Variants in CPAP observed in about 807,000 individuals in gnomAD.
The protein encoded by CPAP is centrosomal P4.1-associated protein.
the CPAP span, among the ~76,000 whole-genome samples, chr13:24,898,015 C>G: frequency 9.9e-5 from 15 of 152,176 alleles, no homozygotes; most frequent in Non-Finnish European, 1.8e-4. Context: ...CCTGCCTCAG[C>G]CTCCCATGTA....
chr13:24,906,507 C>G, the CPAP span: 1 of 1,614,192 alleles, frequency 6.2e-7, no homozygotes, highest in South Asian at 1.1e-5. Context: ...CAGCCAGTAT[C>G]GCAAGGTTTT....
At chr13:24,912,789 C>T in the CPAP span, 1 of 1,614,192 alleles carries the variant, frequency 6.2e-7, no homozygotes, top group Non-Finnish European at 8.5e-7. Flanking sequence ...TTGACTCCAA[C>T]TTCTGTTCTT....
the CPAP span, chr13:24,913,213 A>T: frequency 1.7e-6 from 1 of 581,934 alleles, no homozygotes; most frequent in Non-Finnish European, 3.0e-6. Context: ...AAAAGACCTT[A>T]ACTAGCAAAG....
At chr13:24,909,850 A>G in the CPAP span, 1 of 1,613,926 alleles carries the variant, frequency 6.2e-7, no homozygotes, top group East Asian at 2.2e-5. Context: ...GCTTCTTGAT[A>G]CTGTGCCTCA....
the CPAP span, chr13:24,908,153 G>A: frequency 6.6e-7 from 1 of 1,508,982 alleles, no homozygotes; most frequent in Non-Finnish European, 9.2e-7. Flanking sequence ...GAACAATTTA[G>A]CTCAAGAAAA....
chr13:24,888,808 G>A, the CPAP span, among the ~76,000 whole-genome samples: 2 of 152,168 alleles, frequency 1.3e-5, no homozygotes, highest in African/African-American at 4.8e-5. Context: ...GAGGTTTTAT[G>A]TGTTAAGATT....
At chr13:24,905,582 T>C in the CPAP span, 2 of 1,614,102 alleles carry the variant, frequency 1.2e-6, no homozygotes, top group East Asian at 2.2e-5. Context: ...CGGCGTCCCA[T>C]AAGTGGATTC....
the CPAP span, among the ~76,000 whole-genome samples, chr13:24,930,717 T>C: frequency 6.6e-6 from 1 of 152,240 alleles, no homozygotes; most frequent in Non-Finnish European, 1.5e-5. Flanking sequence ...CCATTGTTGA[T>C]GGGCACCTGA....
chr13:24,882,779 T>C, the CPAP span: 23,150 of 197,026 alleles, frequency 0.12, 1,769 homozygotes, highest in East Asian at 0.3. Flanking sequence ...CAGAGACACG[T>C]GTTTACTCCT....
chr13:24,911,521 T>C, the CPAP span, among the ~76,000 whole-genome samples: 1 of 152,042 alleles, frequency 6.6e-6, no homozygotes, highest in Non-Finnish European at 1.5e-5. Flanking sequence ...CTAGGCCAAA[T>C]CTGACTTTTC....
the CPAP span, chr13:24,912,054 G>A: frequency 9.9e-6 from 16 of 1,613,318 alleles, no homozygotes; most frequent in African/African-American, 1.3e-5. Context: ...TGCTTCTTCT[G>A]TTGTACTTCT....
the CPAP span, among the ~76,000 whole-genome samples, chr13:24,910,369 G>A: frequency 8.5e-5 from 13 of 152,148 alleles, no homozygotes; most frequent in African/African-American, 2.2e-4. Context: ...GATTACAGGC[G>A]TGTGCCACCA....
chr13:24,888,769 T>C, the CPAP span, among the ~76,000 whole-genome samples: 2 of 152,136 alleles, frequency 1.3e-5, no homozygotes, highest in African/African-American at 4.8e-5. Context: ...TACAATGCAA[T>C]CTACATAGCT....
At chr13:24,912,981 G>A in the CPAP span, 3 of 1,614,168 alleles carry the variant, frequency 1.9e-6, no homozygotes, top group Non-Finnish European at 2.5e-6. Context: ...GGGTTAGGAA[G>A]TTCTGCCCAC....
chr13:24,922,620 C>CGCGCCCCG, the CPAP span: 1 of 152,768 alleles, frequency 6.5e-6, no homozygotes, highest in Non-Finnish European at 1.5e-5. Context: ...TGGGCCTGAG[C>CGCGCCCCG]GCGTCCCGGC....
the CPAP span, among the ~76,000 whole-genome samples, chr13:24,891,336 G>A: frequency 3.3e-5 from 5 of 152,086 alleles, no homozygotes; most frequent in Admixed American, 6.5e-5. Context: ...ACATTGAGAC[G>A]ATCCCAGGTG....
chr13:24,889,738 G>T, the CPAP span, among the ~76,000 whole-genome samples: 1 of 152,056 alleles, frequency 6.6e-6, no homozygotes, highest in Non-Finnish European at 1.5e-5. Flanking sequence ...TCTCCTGGGT[G>T]CTCCCCACTC....
At chr13:24,905,623 A>G in the CPAP span, 35 of 1,614,044 alleles carry the variant, frequency 2.2e-5, no homozygotes, top group Non-Finnish European at 2.5e-5. Flanking sequence ...GGTTACACAA[A>G]TTCTCTTCAA....
the CPAP span, chr13:24,883,174 T>G: frequency 6.2e-7 from 1 of 1,612,886 alleles, no homozygotes; most frequent in Non-Finnish European, 8.5e-7. Flanking sequence ...CACATGAGGA[T>G]CGTCACAGCT....
Sources: allele counts gnomAD v4.1 joint callset (sites outside exome capture counted in the v4.1 genomes callset), GRCh38; gene constraint gnomAD v4.1.1; transcripts MANE v1.5; gene names NCBI Gene and HGNC (gene_info 2026-07-23, HGNC 2026-07-21).